COG6: variants seen among roughly 807,000 people sequenced by gnomAD.
COG6 encodes component of oligomeric golgi complex 6.
COG6 carries 74 observed loss-of-function variants against 88.8 expected under a neutral mutation model. The ratio of observed to expected loss-of-function variants is 0.83; its 90% confidence interval spans 0.69 to 1.01. The LOEUF (loss-of-function observed/expected upper bound fraction) is 1.01. Among genes scored for constraint, COG6 ranks in the 50% least tolerant of loss-of-function variants. COG6 has a pLI of 0.00. For synonymous variants in COG6, 286 were observed against 278.7 expected (o/e 1.03, Z -0.26); for missense variants, 800 against 797.9 (o/e 1.00, Z -0.03).
chr13:39,728,259 G>C (rs563732541), intron 18 of COG6, among the ~76,000 whole-genome samples: 36 of 152,104 alleles, frequency 2.4e-4, no homozygotes, highest in Middle Eastern at 3.4e-3. Flanking sequence ...TTAAACATGC[G>C]AACAAATATT....
chr13:39,670,330 C>T (rs1376320829), intron 4 of COG6, among the ~76,000 whole-genome samples: 2 of 151,918 alleles, frequency 1.3e-5, no homozygotes, highest in African/African-American at 4.8e-5. Context: ...CTTATAAAGG[C>T]CCACCAGCCA....
chr13:39,682,471 G>A, intron 8 of COG6: 1 of 487,538 alleles, frequency 2.1e-6, no homozygotes, highest in Non-Finnish European at 3.7e-6. Flanking sequence ...TATGGAAAGA[G>A]AAACCAAAGT....
chr13:39,749,371 A>C (rs768927968), intron 18 of COG6, among the ~76,000 whole-genome samples: 4 of 152,238 alleles, frequency 2.6e-5, no homozygotes, highest in Admixed American at 6.5e-5. Context: ...AGGACAGGTA[A>C]GACATGAACA....
intron 18 of COG6, among the ~76,000 whole-genome samples, chr13:39,780,615 G>T (rs1881600723): frequency 1.3e-5 from 2 of 152,158 alleles, no homozygotes; most frequent in Non-Finnish European, 2.9e-5. Context: ...ATAAATGCTT[G>T]TATGTTTTAT....
intron 7 of COG6, among the ~76,000 whole-genome samples, chr13:39,680,401 T>C (rs1400612908): frequency 6.6e-6 from 1 of 152,216 alleles, no homozygotes; most frequent in Non-Finnish European, 1.5e-5. Flanking sequence ...GTATCTCTTG[T>C]TGTTTACATA....
intron 11 of COG6, among the ~76,000 whole-genome samples, chr13:39,691,877 G>A (rs1225234027): frequency 6.6e-6 from 1 of 151,752 alleles, no homozygotes. Flanking sequence ...TTTTTCTAAT[G>A]ACATATGATA....
chr13:39,710,667 G>A (rs559263086), intron 13 of COG6, among the ~76,000 whole-genome samples: 213 of 152,152 alleles, frequency 1.4e-3, no homozygotes, highest in Non-Finnish European at 2.3e-3. Context: ...AATACTTTTC[G>A]GTTGTTGATC....
At chr13:39,719,150 C>T (rs1878701577) in intron 13 of COG6, 86 bp from the exon 14 acceptor site, 5 of 1,186,290 alleles carry the variant, frequency 4.2e-6, no homozygotes, top group African/African-American at 6.6e-5. Context: ...ATAACTTTTA[C>T]ATTTTTTTTT....
At chr13:39,722,984 C>T (rs2138082557) in intron 15 of COG6, among the ~76,000 whole-genome samples, 1 of 152,168 alleles carries the variant, frequency 6.6e-6, no homozygotes, top group Middle Eastern at 3.4e-3. Context: ...GACAGGAGGT[C>T]AGGAACATCA....
chr13:39,729,841 G>T (rs1273766211), intron 18 of COG6, among the ~76,000 whole-genome samples: 1 of 152,034 alleles, frequency 6.6e-6, no homozygotes, highest in African/African-American at 2.4e-5. Context: ...TACATTCTTA[G>T]GCTCTTCTAA....
intron 18 of COG6, among the ~76,000 whole-genome samples, chr13:39,729,549 A>G (rs2138097403): frequency 6.6e-6 from 1 of 152,346 alleles, no homozygotes; most frequent in Admixed American, 6.5e-5. Flanking sequence ...GATCCTATAA[A>G]TTCATACAAA....
intron 1 of COG6, 76 bp downstream of exon 1, chr13:39,655,955 A>T (rs1175394020): frequency 4.6e-6 from 7 of 1,525,700 alleles, no homozygotes; most frequent in South Asian, 1.2e-5. Flanking sequence ...TCTGTCAGGG[A>T]CCCACCGCGG....
intron 11 of COG6, among the ~76,000 whole-genome samples, chr13:39,692,304 A>G (rs1177454302): frequency 1.3e-5 from 2 of 151,942 alleles, no homozygotes; most frequent in Non-Finnish European, 2.9e-5. Context: ...GCCCATGGGT[A>G]TAAAATCCTT....
At chr13:39,671,476 T>C (rs1169734271) in intron 4 of COG6, among the ~76,000 whole-genome samples, 1 of 151,852 alleles carries the variant, frequency 6.6e-6, no homozygotes, top group Non-Finnish European at 1.5e-5. Flanking sequence ...TTTAACTACA[T>C]TTATCAACCA....
At chr13:39,788,341 A>G (rs1485868955) in exon 19 of COG6, 1 of 1,551,680 alleles carries the variant, frequency 6.4e-7, no homozygotes, top group East Asian at 2.4e-5. Context: ...ACAGGCGTCC[A>G]CCCAACGGCC....
intron 18 of COG6, among the ~76,000 whole-genome samples, chr13:39,776,265 A>T (rs1881461338): frequency 6.6e-6 from 1 of 152,216 alleles, no homozygotes; most frequent in Non-Finnish European, 1.5e-5. Flanking sequence ...AAGGGGAGCA[A>T]GAGGATACAA....
At chr13:39,752,632 A>G, downstream of COG6, 1 of 1,258,834 alleles carries the variant, frequency 7.9e-7, no homozygotes, top group Non-Finnish European at 1.0e-6. Flanking sequence ...AAATATTTCT[A>G]GAGCAGCAAT....
chr13:39,739,349 C>T (rs947915972), intron 18 of COG6, among the ~76,000 whole-genome samples: 2 of 151,998 alleles, frequency 1.3e-5, no homozygotes, highest in African/African-American at 4.8e-5. Context: ...CCGCAGTTCA[C>T]CTATATGCCC....
downstream of COG6, among the ~76,000 whole-genome samples, chr13:39,757,517 AGTT>A (rs1207997925): frequency 1.3e-5 from 2 of 152,114 alleles, no homozygotes; most frequent in African/African-American, 4.8e-5. Flanking sequence ...TAAAACCAAA[AGTT>A]AATTCTCTGA....
Sources: gnomAD v4.1 joint callset for allele counts (sites outside exome capture counted in the v4.1 genomes callset) on GRCh38, gnomAD v4.1.1 for gene constraint, MANE v1.5 for transcripts, NCBI Gene and HGNC (gene_info 2026-07-23, HGNC 2026-07-21) for gene names.